TMEM232: variants seen among roughly 807,000 people sequenced by gnomAD.
The protein encoded by TMEM232 is transmembrane protein 232.
A neutral mutation model predicts 78.8 loss-of-function variants in TMEM232; 80 were observed. The ratio of observed to expected loss-of-function variants is 1.01; its 90% CI spans 0.85 to 1.22. The LOEUF (loss-of-function observed/expected upper bound fraction) is 1.22, where lower values mean the gene tolerates loss of function less well. Ranked by LOEUF, TMEM232 falls within the 50% of genes most tolerant of loss-of-function variation. TMEM232 has a pLI of 0.00. For missense variants in TMEM232, 881 were observed against 742.2 expected, an observed-to-expected ratio of 1.19 and a Z score of -2.17; for synonymous variants, 297 against 254.3, an observed-to-expected ratio of 1.17 and a Z score of -1.60.
At chr5:110,698,839 A>G (rs1795109662) in intron 1 of TMEM232, among the ~76,000 whole-genome samples, 1 of 152,076 alleles carries the variant, frequency 6.6e-6, no homozygotes, top group Non-Finnish European at 1.5e-5. Context: ...GATCAGCTGA[A>G]TGTTTCTCTT....
intron 12 of TMEM232, among the ~76,000 whole-genome samples, chr5:110,523,337 T>G (rs1769835222): frequency 6.6e-6 from 1 of 151,272 alleles, no homozygotes; most frequent in African/African-American, 2.5e-5. Context: ...TTAAAAAAAC[T>G]AACTTTTGAC....
At chr5:110,442,922 C>G (rs1267429276) in intron 12 of TMEM232, among the ~76,000 whole-genome samples, 1 of 152,166 alleles carries the variant, frequency 6.6e-6, no homozygotes, top group Admixed American at 6.5e-5. Flanking sequence ...TCCTTACTTT[C>G]TTCCCAACAA....
At chr5:110,447,545 T>C (rs1249957841) in intron 12 of TMEM232, among the ~76,000 whole-genome samples, 1 of 152,140 alleles carries the variant, frequency 6.6e-6, no homozygotes. Context: ...TCTAAATTAT[T>C]GCAAGGCAAG....
intron 10 of TMEM232, among the ~76,000 whole-genome samples, chr5:110,584,895 T>C (rs539309273): frequency 2.0e-5 from 3 of 152,186 alleles, no homozygotes; most frequent in East Asian, 1.9e-4. Flanking sequence ...TTCTCTGCTA[T>C]GATATATTAT....
chr5:110,509,595 TTC>T (rs1327463910), intron 12 of TMEM232, among the ~76,000 whole-genome samples: 2 of 152,178 alleles, frequency 1.3e-5, no homozygotes, highest in African/African-American at 4.8e-5. Context: ...ATAAATTCAT[TTC>T]TGTTGTATAT....
intron 1 of TMEM232, among the ~76,000 whole-genome samples, chr5:110,694,097 G>A (rs1266664767): frequency 2.6e-5 from 4 of 152,108 alleles, no homozygotes; most frequent in Non-Finnish European, 5.9e-5. Flanking sequence ...CAGACTAACA[G>A]CGGATCTCTC....
rs1192575850 is a variant in TMEM232 at position 110,721,671 on chromosome 5, G to GTATATATATATATATATATA, written c.-13+4955_-13+4956insTATATATATATATATATATA. ...CTGCATATCATGTGTGTGTGTGTGT[G>GTATATATATATATATATATA]TGTATATATATATCTGTGTGTGTTA... On this transcript the variant is annotated intron_variant, in intron 1 of 13. Transcript: ENST00000455884. 2.6e-3 allele frequency among the ~76,000 whole-genome samples: 60 copies of GTATATATATATATATATATA among 23,402 alleles called. 3 individuals are homozygous for GTATATATATATATATATATA. Among genetic ancestry groups the GTATATATATATATATATATA allele is most frequent in the African/African-American group, 4.7e-3 (58 of 12,462 alleles). The allele number at this position is 23,402 out of a possible 152,430, so 15.4% of individuals were successfully genotyped here. A position where few individuals can be genotyped will look rare whatever the true frequency, so the allele number is the denominator to read the frequency against.
intron 2 of TMEM232, among the ~76,000 whole-genome samples, chr5:110,413,064 G>A (rs1756056531): frequency 6.6e-6 from 1 of 152,158 alleles, no homozygotes; most frequent in Non-Finnish European, 1.5e-5. Flanking sequence ...GTTCCTGGGT[G>A]TGGCTGTGAG....
chr5:110,447,544 T>C (rs1476313851), intron 12 of TMEM232, among the ~76,000 whole-genome samples: 1 of 152,140 alleles, frequency 6.6e-6, no homozygotes, highest in African/African-American at 2.4e-5. Flanking sequence ...TTCTAAATTA[T>C]TGCAAGGCAA....
At chr5:110,558,049 T>A (rs527795936) in intron 11 of TMEM232, among the ~76,000 whole-genome samples, 1 of 152,286 alleles carries the variant, frequency 6.6e-6, no homozygotes, top group South Asian at 2.1e-4. Context: ...CTGAATTATT[T>A]CAGGTAGCCA....
chr5:110,667,118 A>G (rs1305765760), intron 2 of TMEM232, 110 bp downstream of exon 2: 16 of 920,828 alleles, frequency 1.7e-5, no homozygotes, highest in Non-Finnish European at 2.4e-5. Context: ...GTAAACTTTA[A>G]AATTTTAATC....
At chr5:110,640,532 G>T (rs560876823) in intron 4 of TMEM232, among the ~76,000 whole-genome samples, 4 of 152,076 alleles carry the variant, frequency 2.6e-5, no homozygotes, top group African/African-American at 9.6e-5. Flanking sequence ...TTTGATTAAT[G>T]TTTTATAAGT....
At chr5:110,588,246 G>C (rs1159907472) in intron 10 of TMEM232, among the ~76,000 whole-genome samples, 1 of 152,060 alleles carries the variant, frequency 6.6e-6, no homozygotes, top group Non-Finnish European at 1.5e-5. Context: ...TGGAGAACCG[G>C]CTTAGAAAAT....
rs549360049 is a variant in TMEM232, at chr5:110,645,537, G to C, written c.126-3166C>G. 2.7e-5 allele frequency among the ~76,000 whole-genome samples: 4 copies of C among 148,014 alleles called. No individual in the cohort carries two copies. In the South Asian group the frequency reaches 8.5e-4, roughly 31 times the overall value. On this transcript the variant is annotated intron_variant, in intron 2 of 13. Coordinates refer to ENST00000455884, the MANE Select transcript of TMEM232 (RefSeq NM_001039763.4). The stretch of plus-strand genomic sequence containing the variant: ...TTCCATTCATGATTAAAATTCTCAA[G>C]AAAATAGGTGTAAAAAGAATTTACG...
At position 110,550,028 on chromosome 5, in the gene TMEM232, G is replaced by A. The variant is rs1241337021; in HGVS notation, c.1455+18419C>T. On this transcript the variant is annotated intron_variant, in intron 11 of 13. Transcript: ENST00000455884. ...TAACAATATAGGAAAGAAATATTAT[G>A]GAACAATCACATGCATGAATACAAA... Among the ~76,000 whole-genome samples the A allele has an allele frequency of 2.0e-5, 3 of 152,052 alleles. No homozygotes were observed. The East Asian group carries it at 5.8e-4, about 29-fold the overall frequency.
chr5:110,492,687 A>T (rs1765242534), intron 12 of TMEM232, among the ~76,000 whole-genome samples: 3 of 152,014 alleles, frequency 2.0e-5, no homozygotes. Context: ...ACATGCTCTA[A>T]ATATTTGAAA....
At chr5:110,678,253 C>T (rs140305274) in intron 1 of TMEM232, among the ~76,000 whole-genome samples, 5 of 152,080 alleles carry the variant, frequency 3.3e-5, no homozygotes, top group Middle Eastern at 3.4e-3. Flanking sequence ...TTAGTAGAGA[C>T]GGGGTTTCAC....
chr5:110,544,562 GA>G, intron 11 of TMEM232, among the ~76,000 whole-genome samples: 1 of 151,998 alleles, frequency 6.6e-6, no homozygotes, highest in South Asian at 2.1e-4. Flanking sequence ...GAGAAAAAAG[GA>G]AAAAATAATT....
intron 1 of TMEM232, among the ~76,000 whole-genome samples, chr5:110,693,474 GAGA>G (rs1794383427): frequency 6.6e-6 from 1 of 152,200 alleles, no homozygotes; most frequent in African/African-American, 2.4e-5. Flanking sequence ...GACAAGTTGA[GAGA>G]AGAAGGCTTC....
Sources: allele counts gnomAD v4.1 joint callset (sites outside exome capture counted in the v4.1 genomes callset), GRCh38; gene constraint gnomAD v4.1.1; transcripts MANE v1.5; gene names NCBI Gene and HGNC (gene_info 2026-07-23, HGNC 2026-07-21).